The following NRXN3 variants were observed in gnomAD, a reference collection of about 807,000 sequenced individuals.
NRXN3 encodes neurexin 3, also known as neurexin III.
In NRXN3, 32 loss-of-function variants were observed where a neutral mutation model predicts 137.6. That is an observed-to-expected ratio of 0.23 (90% CI 0.18 to 0.31). The LOEUF (loss-of-function observed/expected upper bound fraction) is 0.31. NRXN3 is among the 10% of genes least tolerant of loss of function. The probability of loss-of-function intolerance (pLI) is 1.00; values close to 1 mark genes in which losing one functional copy is unlikely to be tolerated. For synonymous variants in NRXN3, 798 were observed against 784.5 expected (o/e 1.02, Z -0.29); for missense variants, 1,574 against 2,062.5 (o/e 0.76, Z 4.59).
intron 15 of NRXN3, among the ~76,000 whole-genome samples, chr14:79,245,237 T>C (rs1341002645): frequency 6.6e-6 from 1 of 152,188 alleles, no homozygotes; most frequent in Admixed American, 6.6e-5. Flanking sequence ...CAGCCTTCCT[T>C]GATGTGGCCA....
rs528502246 is a variant in NRXN3 at position 79,508,390 on chromosome 14, ATTTT to A, written c.3444+41001_3444+41004del. ...AATTTTCTTTATAAAACAATAACTGATTTTTTTTTTTTTTTTAAGACAGAGTCTC... is the reference window on the plus strand; with the variant it reads ...AATTTTCTTTATAAAACAATAACTGATTTTTTTTTTTTAAGACAGAGTCTC... On this transcript the variant is annotated intron_variant, in intron 16 of 20. Transcript: ENST00000335750. Among the ~76,000 whole-genome samples the A allele has an allele frequency of 4.1e-4, 20 of 48,228 alleles. 1 individual carries two copies. The highest frequency in any genetic ancestry group is 1.2e-3 in the Admixed American group (4 of 3,242). The allele number at this position is 48,228 out of a possible 152,430, so 31.6% of individuals were successfully genotyped here.
chr14:78,798,778 C>T (rs1431991578), intron 8 of NRXN3, among the ~76,000 whole-genome samples: 1 of 152,208 alleles, frequency 6.6e-6, no homozygotes, highest in Non-Finnish European at 1.5e-5. Context: ...TCTTGACTTC[C>T]GTGTACCCAC....
chr14:79,746,492 A>G (rs2098980099), intron 19 of NRXN3, among the ~76,000 whole-genome samples: 1 of 152,130 alleles, frequency 6.6e-6, no homozygotes, highest in African/African-American at 2.4e-5. Flanking sequence ...AGACCTGCAG[A>G]AATGGAGGTT....
chr14:78,779,957 A>G (rs192783842), intron 8 of NRXN3, among the ~76,000 whole-genome samples: 1 of 152,226 alleles, frequency 6.6e-6, no homozygotes, highest in Non-Finnish European at 1.5e-5. Context: ...TGACAAGCTA[A>G]CTCTAAAACT....
intron 15 of NRXN3, among the ~76,000 whole-genome samples, chr14:78,998,051 C>A (rs543080239): frequency 1.3e-5 from 2 of 152,290 alleles, no homozygotes; most frequent in African/African-American, 2.4e-5. Context: ...TGCAGAAATT[C>A]TCTCCAGGCA....
At chr14:79,607,122 A>G (rs2098030806) in intron 16 of NRXN3, among the ~76,000 whole-genome samples, 1 of 152,190 alleles carries the variant, frequency 6.6e-6, no homozygotes, top group African/African-American at 2.4e-5. Context: ...AAAGGTATCT[A>G]TTTCTGGACT....
intron 10 of NRXN3, among the ~76,000 whole-genome samples, chr14:78,911,586 G>A (rs2099237849): frequency 6.6e-6 from 1 of 152,130 alleles, no homozygotes; most frequent in Non-Finnish European, 1.5e-5. Context: ...TAGGCAATGT[G>A]GCATTCCTGT....
At chr14:79,132,202 CA>C (rs2057621795) in intron 15 of NRXN3, among the ~76,000 whole-genome samples, 1 of 152,250 alleles carries the variant, frequency 6.6e-6, no homozygotes, top group Admixed American at 6.5e-5. Flanking sequence ...TTGGCTCCTC[CA>C]ACTTAAACTT....
intron 11 of NRXN3, among the ~76,000 whole-genome samples, chr14:78,958,486 G>T (rs1227085634): frequency 6.6e-6 from 1 of 151,834 alleles, no homozygotes; most frequent in Non-Finnish European, 1.5e-5. Context: ...CTCCCGAGTA[G>T]CTGGGACTAC....
intron 8 of NRXN3, among the ~76,000 whole-genome samples, chr14:78,792,285 G>GAAAAAAAAAAAAAAAAAA (rs2098808127): frequency 1.7e-5 from 1 of 58,962 alleles, no homozygotes; most frequent in African/African-American, 8.4e-5. Flanking sequence ...AAAAAAAAAG[G>GAAAAAAAAAAAAAAAAAA]AAAGCCAAAA....
chr14:78,197,327 C>G (rs974773384), intron 1 of NRXN3, among the ~76,000 whole-genome samples: 2 of 152,202 alleles, frequency 1.3e-5, no homozygotes, highest in South Asian at 2.1e-4. Context: ...CATTTACTCC[C>G]CACGCCTCCC....
chr14:79,464,580 C>G (rs1250068139), intron 15 of NRXN3, among the ~76,000 whole-genome samples: 4 of 152,056 alleles, frequency 2.6e-5, no homozygotes, highest in Non-Finnish European at 1.5e-5. Flanking sequence ...GGTGAGATGG[C>G]CAGACAAGCT....
intron 15 of NRXN3, among the ~76,000 whole-genome samples, chr14:79,162,188 A>T (rs1211399087): frequency 6.6e-6 from 1 of 150,796 alleles, no homozygotes; most frequent in Non-Finnish European, 1.5e-5. Flanking sequence ...CATGTGCACA[A>T]TGTGCAGGTT....
In NRXN3 at chr14:79,861,299, A is replaced by G. The variant is rs1234529875; in HGVS notation, c.4094-43A>G. The G allele has an allele frequency of 2.1e-5, 32 of 1,535,994 alleles. No individual in the cohort carries two copies. Among genetic ancestry groups the G allele is most frequent in the Non-Finnish European group, 2.8e-5 (32 of 1,146,880 alleles). ...AACCTTTGACTCTAACCTGCCCCCT[A>G]CTGATGATGAAGATTTTTACACCAC... On this transcript the variant is annotated intron_variant, in intron 20 of 20. Coordinates refer to ENST00000335750, the MANE Select transcript of NRXN3 (RefSeq NM_001330195.2). This position sits in a 1 kb window ranked among gnomAD's most constrained non-coding sequence, Gnocchi z 5.4.
intron 8 of NRXN3, among the ~76,000 whole-genome samples, chr14:78,746,937 A>T (rs1404135380): frequency 6.6e-6 from 1 of 152,222 alleles, no homozygotes; most frequent in Non-Finnish European, 1.5e-5. Flanking sequence ...ACATATGCAT[A>T]AAAGTACATG....
chr14:78,758,821 G>A (rs757633190), intron 8 of NRXN3, among the ~76,000 whole-genome samples: 1 of 152,214 alleles, frequency 6.6e-6, no homozygotes, highest in Non-Finnish European at 1.5e-5. Flanking sequence ...GTGGTGGGAT[G>A]CAATATCTTA....
intron 15 of NRXN3, among the ~76,000 whole-genome samples, chr14:79,011,090 T>C (rs2099570075): frequency 7.1e-6 from 1 of 141,050 alleles, no homozygotes; most frequent in Non-Finnish European, 1.5e-5. Context: ...CACACGTCTC[T>C]ATTTACGTAG....
chr14:79,126,772 C>T (rs897506808), intron 15 of NRXN3, among the ~76,000 whole-genome samples: 1 of 152,144 alleles, frequency 6.6e-6, no homozygotes, highest in Admixed American at 6.5e-5. Flanking sequence ...AATGGTTGAA[C>T]TAGTTTACAG....
intron 8 of NRXN3, among the ~76,000 whole-genome samples, chr14:78,801,315 C>A (rs1032748750): frequency 3.3e-5 from 5 of 151,622 alleles, no homozygotes; most frequent in Non-Finnish European, 4.4e-5. Flanking sequence ...AGTGAGACTC[C>A]GTCTCAAAAA....
Sources: gnomAD v4.1 joint callset for allele counts (sites outside exome capture counted in the v4.1 genomes callset) on GRCh38, gnomAD v4.1.1 for gene constraint, Gnocchi (gnomAD v3.1) non-coding constraint, MANE v1.5 for transcripts, NCBI Gene and HGNC (gene_info 2026-07-23, HGNC 2026-07-21) for gene names.